Variants in NRXN1 observed in about 807,000 individuals in gnomAD.
NRXN1 encodes neurexin 1.
NRXN1 carries 39 observed loss-of-function variants against 150.9 expected under a neutral mutation model. The ratio of observed to expected loss-of-function variants is 0.26; its 90% CI spans 0.20 to 0.34. The LOEUF is 0.34. Ranked by LOEUF, NRXN1 falls within the 10% of genes least tolerant of loss-of-function variation. NRXN1 has a pLI of 1.00. For missense variants in NRXN1, 1,815 were observed against 1,949.9 expected, an observed-to-expected ratio of 0.93 and a Z score of 1.30; for synonymous variants, 924 against 757.0, an observed-to-expected ratio of 1.22 and a Z score of -3.62.
chr2:50,891,911 C>A (rs1463433432), intron 5 of NRXN1, among the ~76,000 whole-genome samples: 1 of 152,060 alleles, frequency 6.6e-6, no homozygotes, highest in African/African-American at 2.4e-5. Flanking sequence ...TGAGTGCCTA[C>A]TACATATGCC....
chr2:50,706,329 G>A (rs376069322), intron 5 of NRXN1, among the ~76,000 whole-genome samples: 15 of 152,218 alleles, frequency 9.9e-5, no homozygotes, highest in African/African-American at 3.1e-4. Flanking sequence ...TTGAGAAGAC[G>A]GTTAAGACAA....
At chr2:50,062,431 T>G (rs113753871) in intron 19 of NRXN1, among the ~76,000 whole-genome samples, 1 of 152,278 alleles carries the variant, frequency 6.6e-6, no homozygotes, top group Non-Finnish European at 1.5e-5. Flanking sequence ...GTCTTCCGAA[T>G]TGAAAGAAAT....
chr2:50,521,670 A>G (rs1374417647), intron 12 of NRXN1, among the ~76,000 whole-genome samples: 4 of 152,310 alleles, frequency 2.6e-5, no homozygotes, highest in Non-Finnish European at 4.4e-5. Flanking sequence ...TCTGTTGAAC[A>G]GATTGTAATT....
At position 49,921,585 on chromosome 2, in the gene NRXN1, G is replaced by GTTTTGTGTTGGT. The variant is rs1373159021; in HGVS notation, c.*347_*358dup. The GTTTTGTGTTGGT allele has an allele frequency of 4.9e-6, 1 of 203,672 alleles. No individual in the cohort carries two copies. Among genetic ancestry groups the GTTTTGTGTTGGT allele is most frequent in the Non-Finnish European group, 1.0e-5 (1 of 100,462 alleles). 12.6% of individuals were successfully genotyped at this position (203,672 alleles called of 1,614,324 possible). ...ATAGGTAGCTTCTTTTTTGTGTTAT[G>GTTTTGTGTTGGT]TTTTGTGTTGGTTTTTGTGTTGTGC... On this transcript the variant is annotated 3_prime_UTR_variant, in exon 23 of 23. Coordinates refer to ENST00000401669, the MANE Select transcript of NRXN1 (RefSeq NM_001330078.2).
chr2:50,105,622 G>C (rs1701533946), intron 18 of NRXN1, among the ~76,000 whole-genome samples: 1 of 152,020 alleles, frequency 6.6e-6, no homozygotes, highest in Non-Finnish European at 1.5e-5. Context: ...AACAAGGTTA[G>C]TCATGGAGTT....
chr2:50,509,572 T>C (rs1295651393), intron 12 of NRXN1, among the ~76,000 whole-genome samples: 1 of 152,202 alleles, frequency 6.6e-6, no homozygotes, highest in Non-Finnish European at 1.5e-5. Context: ...ATCTTTACAG[T>C]TCCTTTAGAA....
intron 5 of NRXN1, among the ~76,000 whole-genome samples, chr2:50,733,506 T>C (rs753832724): frequency 2.6e-5 from 4 of 152,172 alleles, no homozygotes; most frequent in Non-Finnish European, 4.4e-5. Flanking sequence ...AATAATTTAG[T>C]TATCTCTGCA....
chr2:50,386,885 G>A (rs1186128682), intron 17 of NRXN1, among the ~76,000 whole-genome samples: 1 of 152,076 alleles, frequency 6.6e-6, no homozygotes, highest in African/African-American at 2.4e-5. Context: ...CAAGGAACTG[G>A]ATGGTTTATA....
chr2:50,752,742 C>A (rs1384380347), intron 5 of NRXN1, among the ~76,000 whole-genome samples: 1 of 151,522 alleles, frequency 6.6e-6, no homozygotes, highest in East Asian at 1.9e-4. Context: ...CCAAGGCATC[C>A]ATTTTACTTT....
intron 5 of NRXN1, among the ~76,000 whole-genome samples, chr2:50,746,179 C>A (rs1700001681): frequency 6.6e-6 from 1 of 152,016 alleles, no homozygotes; most frequent in Non-Finnish European, 1.5e-5. Flanking sequence ...ACATTATTAC[C>A]TACCTCAAGA....
At chr2:50,133,168 C>A (rs1190848975) in intron 18 of NRXN1, among the ~76,000 whole-genome samples, 1 of 152,120 alleles carries the variant, frequency 6.6e-6, no homozygotes, top group African/African-American at 2.4e-5. Flanking sequence ...CTGGAGATGG[C>A]AAATCCCCAT....
intron 19 of NRXN1, among the ~76,000 whole-genome samples, chr2:50,065,808 A>G (rs2152655667): frequency 6.6e-6 from 1 of 152,258 alleles, no homozygotes; most frequent in South Asian, 2.1e-4. Context: ...TGCTTTTTGG[A>G]CGTTGAACCT....
chr2:50,993,835 G>T (rs1026498936), intron 2 of NRXN1, among the ~76,000 whole-genome samples: 3 of 151,862 alleles, frequency 2.0e-5, no homozygotes, highest in Non-Finnish European at 2.9e-5. Context: ...CTATTCCTTG[G>T]TAAGAGGAAA....
chr2:50,157,346 T>C (rs192510057), intron 18 of NRXN1, among the ~76,000 whole-genome samples: 11 of 152,192 alleles, frequency 7.2e-5, no homozygotes, highest in African/African-American at 2.6e-4. Flanking sequence ...CAGAAAGTTA[T>C]ATATGTAAAG....
intron 5 of NRXN1, among the ~76,000 whole-genome samples, chr2:50,655,688 G>A (rs1384448525): frequency 6.6e-6 from 1 of 151,662 alleles, no homozygotes; most frequent in Non-Finnish European, 1.5e-5. Flanking sequence ...GGAAGAAAGA[G>A]GACAGAAGAG....
chr2:50,468,508 T>C (rs980785938), intron 16 of NRXN1, among the ~76,000 whole-genome samples: 1 of 151,664 alleles, frequency 6.6e-6, no homozygotes, highest in African/African-American at 2.4e-5. Context: ...TTTTTAGTTA[T>C]GTAATATTAT....
At chr2:50,150,074 T>C (rs2058607419) in intron 18 of NRXN1, among the ~76,000 whole-genome samples, 1 of 151,720 alleles carries the variant, frequency 6.6e-6, no homozygotes, top group Non-Finnish European at 1.5e-5. Flanking sequence ...TCTCCATTAC[T>C]CCTGGGGAAA....
chr2:51,018,848 G>A (rs1328728795), intron 2 of NRXN1, among the ~76,000 whole-genome samples: 1 of 152,016 alleles, frequency 6.6e-6, no homozygotes, highest in Non-Finnish European at 1.5e-5. Context: ...TTATTTAGTT[G>A]CAATATTTTG....
chr2:50,720,048 C>T (rs1011427705), intron 5 of NRXN1, among the ~76,000 whole-genome samples: 42 of 152,176 alleles, frequency 2.8e-4, no homozygotes, highest in Admixed American at 2.2e-3. Flanking sequence ...TCATTAAACT[C>T]AGGGTAACAC....
Sources: gnomAD v4.1 joint callset for allele counts (sites outside exome capture counted in the v4.1 genomes callset) on GRCh38, gnomAD v4.1.1 for gene constraint, MANE v1.5 for transcripts, NCBI Gene and HGNC (gene_info 2026-07-23, HGNC 2026-07-21) for gene names.